The following PGAP3 variants were observed in gnomAD, a reference collection of about 807,000 sequenced individuals.
PGAP3 encodes GPI-specific phospholipase A2-like PGAP3.
Under a neutral mutation model 40.3 loss-of-function variants are expected in PGAP3, and 31 were observed. The observed-to-expected ratio is 0.77, with a 90% CI of 0.58 to 1.04. The LOEUF is 1.04. Among genes scored for constraint, PGAP3 ranks in the 50% least tolerant of loss-of-function variants. PGAP3 has a pLI of 0.00. For missense variants in PGAP3, 413 were observed against 423.0 expected (o/e 0.98, Z 0.21); for synonymous variants, 191 against 184.5 (o/e 1.04, Z -0.29).
chr17:39,673,400 T>C lies in PGAP3; in HGVS notation c.694+114A>G, dbSNP rs866953993. On this transcript the variant is annotated intron_variant, in intron 6 of 7. Transcript: ENST00000300658. ...CTCTCCCACCTCAAATTCTTCTCCATTCCTCTACCCCAAGAGTCTCTCTAG... is the reference window on the plus strand; with the variant it reads ...CTCTCCCACCTCAAATTCTTCTCCACTCCTCTACCCCAAGAGTCTCTCTAG... 2.4e-5 allele frequency: 38 copies of C among 1,559,350 alleles called. 1 individual carries two copies. In the Middle Eastern group the frequency reaches 3.6e-3, roughly 147 times the overall value.
At chr17:39,687,766 G>A (rs2057580697) in intron 1 of PGAP3, 68 bp downstream of exon 1, 1 of 1,201,152 alleles carries the variant, frequency 8.3e-7, no homozygotes, top group East Asian at 3.1e-5. Context: ...GATTGCAGAG[G>A]CGTATTGGGG....
At chr17:39,682,346 A>G (rs1252701973) in intron 3 of PGAP3, among the ~76,000 whole-genome samples, 3 of 150,372 alleles carry the variant, frequency 2.0e-5, no homozygotes, top group Non-Finnish European at 2.9e-5. Context: ...CTATTGCCCA[A>G]TGGAAACTTG....
intron 3 of PGAP3, among the ~76,000 whole-genome samples, chr17:39,683,183 TCAGTCCGCC>T (rs1315219283): frequency 6.6e-6 from 1 of 152,078 alleles, no homozygotes; most frequent in Non-Finnish European, 1.5e-5. Context: ...CCACCACCCA[TCAGTCCGCC>T]CAGCTCACAC....
In PGAP3 at chr17:39,684,598, C is replaced by T. The variant is rs1443515179; in HGVS notation, c.431G>A (p.Trp144Ter). 2 of 1,608,650 alleles carry T rather than the reference C, an allele frequency of 1.2e-6. No homozygotes were observed. Among genetic ancestry groups the T allele is most frequent in the Non-Finnish European group, 8.5e-7 (1 of 1,177,628 alleles). ...CAGGAGTCCTGCTAGGTTACCTACC[C>T]AGGCGAAGGCCACACAGGTGTGGTA... Reference protein sequence around the residue: ...PMYHTCVAFAWVSLNAWFWST... With the variant: ...PMYHTCVAFA The change falls in exon 3 of 8, where the codon TGG (tryptophan) becomes TAG (stop). Residue 144 changes from tryptophan to a stop codon, truncating the protein, a stop_gained and splice_region_variant. Coordinates refer to ENST00000300658, the MANE Select transcript of PGAP3 (RefSeq NM_033419.5). LOFTEE classifies it high-confidence loss of function.
intron 3 of PGAP3, among the ~76,000 whole-genome samples, chr17:39,683,864 A>G (rs1033840931): frequency 6.6e-6 from 1 of 152,012 alleles, no homozygotes; most frequent in Non-Finnish European, 1.5e-5. Flanking sequence ...GTGACTCACA[A>G]CTGTAATCCC....
chr17:39,685,998 C>G lies in PGAP3; in HGVS notation c.203G>C (p.Cys68Ser), dbSNP rs761733666. 4 of 1,612,998 alleles carry G rather than the reference C, an allele frequency of 2.5e-6. No homozygotes were observed. Among genetic ancestry groups the G allele is most frequent in the African/African-American group, 2.7e-5 (2 of 74,906 alleles). Residue 68 changes from cysteine to serine, a missense_variant, in exon 2 of 8, where the codon TGT (cysteine) becomes TCT (serine). By Grantham distance (112) the Cys-to-Ser change is moderately radical. Coordinates refer to ENST00000300658, the MANE Select transcript of PGAP3 (RefSeq NM_033419.5). ...GGTGACCCACATACACTCATACTTA[C>G]AGTCGTCCCGACAGGTCCAGCCTGA... Reference protein sequence around the residue: ...SLAGWTCRDDCKYECMWVTVG... With the variant: ...SLAGWTCRDDSKYECMWVTVG...
chr17:39,684,782 G>A, intron 2 of PGAP3, 33 bp from the exon 3 acceptor site: 2 of 1,541,544 alleles, frequency 1.3e-6, no homozygotes, highest in South Asian at 1.2e-5. Context: ...AGGTTTGAAG[G>A]GCAGGCAACC....
At chr17:39,679,590 G>T (rs1247664362) in intron 3 of PGAP3, among the ~76,000 whole-genome samples, 1 of 152,190 alleles carries the variant, frequency 6.6e-6, no homozygotes, top group East Asian at 1.9e-4. Flanking sequence ...AAGCAGACAG[G>T]TGTAACGTCC....
chr17:39,674,594 G>C (rs1372208029), intron 4 of PGAP3, 23 bp downstream of exon 4: 1 of 1,546,352 alleles, frequency 6.5e-7, no homozygotes, highest in South Asian at 1.2e-5. Context: ...CTGTGCAGGA[G>C]GGGGAGCTGG....
At chr17:39,686,551 C>G (rs1052259907) in intron 1 of PGAP3, among the ~76,000 whole-genome samples, 1 of 133,338 alleles carries the variant, frequency 7.5e-6, no homozygotes, top group Non-Finnish European at 1.6e-5. Context: ...CCACCGCACC[C>G]GGCATTTTTT....
chr17:39,688,054 G>A lies in PGAP3; in HGVS notation c.-40C>T, dbSNP rs1275215088. 2 of 1,324,728 alleles carry A rather than the reference G, an allele frequency of 1.5e-6. No individual in the cohort carries two copies. Among genetic ancestry groups the A allele is most frequent in the South Asian group, 1.9e-5 (1 of 52,300 alleles). 82.1% of individuals were successfully genotyped at this position (1,324,728 alleles called of 1,614,324 possible). ...TCGCCGCCGGGGGAGGAGCTTAGGAGTATGAAGCTTCCACTTCCGGAGTAA... is the reference window on the plus strand; with the variant it reads ...TCGCCGCCGGGGGAGGAGCTTAGGAATATGAAGCTTCCACTTCCGGAGTAA... On this transcript the variant is annotated 5_prime_UTR_variant, in exon 1 of 8. Coordinates refer to ENST00000300658, the MANE Select transcript of PGAP3 (RefSeq NM_033419.5).
At chr17:39,681,586 G>A (rs1240657203) in intron 3 of PGAP3, among the ~76,000 whole-genome samples, 4 of 151,916 alleles carry the variant, frequency 2.6e-5, no homozygotes, top group South Asian at 2.1e-4. Context: ...TCAGCTCACC[G>A]CAACCTCCGC....
At chr17:39,675,303 G>A (rs1336389666) in intron 3 of PGAP3, among the ~76,000 whole-genome samples, 1 of 151,932 alleles carries the variant, frequency 6.6e-6, no homozygotes, top group Non-Finnish European at 1.5e-5. Flanking sequence ...GAGGGGCTGT[G>A]GTGGGCCAGG....
chr17:39,673,980 C>A lies in PGAP3; in HGVS notation c.557+13G>T, dbSNP rs749069495. 2 of 1,613,844 alleles carry A rather than the reference C, an allele frequency of 1.2e-6. No individual in the cohort carries two copies. Among genetic ancestry groups the A allele is most frequent in the Non-Finnish European group, 1.7e-6 (2 of 1,179,772 alleles). Reference sequence around the variant, plus strand: ...GTTCGATTTTGCCCCTGCAGCCACCCAGGCAGGCTCACCTGACGCAGCACA... The same window carrying A: ...GTTCGATTTTGCCCCTGCAGCCACCAAGGCAGGCTCACCTGACGCAGCACA... On this transcript the variant is annotated intron_variant, in intron 5 of 7. Coordinates refer to ENST00000300658, the MANE Select transcript of PGAP3 (RefSeq NM_033419.5).
chr17:39,679,666 A>G (rs2057416270), intron 3 of PGAP3, among the ~76,000 whole-genome samples: 1 of 152,190 alleles, frequency 6.6e-6, no homozygotes, highest in Admixed American at 6.5e-5. Context: ...AGAGGCCTAC[A>G]CAGGAAGTGG....
At chr17:39,680,550 G>C (rs968915073) in intron 3 of PGAP3, among the ~76,000 whole-genome samples, 2 of 152,122 alleles carry the variant, frequency 1.3e-5, no homozygotes, top group African/African-American at 4.8e-5. Flanking sequence ...CCATCTATCA[G>C]CTTTTCTAAG....
intron 5 of PGAP3, 42 bp downstream of exon 5, chr17:39,673,951 C>T: frequency 6.3e-7 from 1 of 1,596,642 alleles, no homozygotes. Flanking sequence ...TTTCTGCCCC[C>T]AGGGTTCGAT....
intron 3 of PGAP3, among the ~76,000 whole-genome samples, chr17:39,680,893 C>T (rs2057431148): frequency 6.6e-6 from 1 of 151,886 alleles, no homozygotes; most frequent in Non-Finnish European, 1.5e-5. Context: ...CACCCTTTGT[C>T]ACCCGGGCTA....
At chr17:39,684,462 C>G (rs954783714) in intron 3 of PGAP3, 135 bp downstream of exon 3, 17 of 1,132,734 alleles carry the variant, frequency 1.5e-5, no homozygotes, top group Middle Eastern at 2.3e-4. Context: ...GCTTTACCAC[C>G]CTGCAGCTGC....
Sources: allele counts gnomAD v4.1 joint callset (sites outside exome capture counted in the v4.1 genomes callset), GRCh38; gene constraint gnomAD v4.1.1; transcripts MANE v1.5; gene names NCBI Gene and HGNC (gene_info 2026-07-23, HGNC 2026-07-21).